Variants in DPY19L4 observed in about 807,000 individuals in gnomAD.
DPY19L4 encodes the protein probable C-mannosyltransferase DPY19L4.
DPY19L4 carries 97 observed loss-of-function variants against 102.8 expected under a neutral mutation model. The ratio of observed to expected loss-of-function variants is 0.94; its 90% CI spans 0.80 to 1.12. The LOEUF (loss-of-function observed/expected upper bound fraction) is 1.12, where lower values mean the gene tolerates loss of function less well. Ranked by LOEUF, DPY19L4 falls within the 50% of genes most tolerant of loss-of-function variation. DPY19L4 has a pLI of 0.00. For missense variants in DPY19L4, 815 were observed against 850.4 expected, an observed-to-expected ratio of 0.96 and a Z score of 0.52; for synonymous variants, 252 against 283.1, an observed-to-expected ratio of 0.89 and a Z score of 1.10.
chr8:94,729,293 ACC>A (rs1810829603), intron 2 of DPY19L4, among the ~76,000 whole-genome samples: 2 of 151,892 alleles, frequency 1.3e-5, no homozygotes, highest in African/African-American at 4.8e-5. Context: ...AATCGCTTGA[ACC>A]TGGGAAGCGG....
chr8:94,720,085 G>A (rs1810388990), intron 1 of DPY19L4, 71 bp downstream of exon 1: 1 of 1,498,522 alleles, frequency 6.7e-7, no homozygotes, highest in Non-Finnish European at 8.9e-7. Context: ...GGGCGCTGGA[G>A]GTCTGGGTTG....
intron 13 of DPY19L4, among the ~76,000 whole-genome samples, chr8:94,771,863 A>G (rs1239922536): frequency 1.3e-5 from 2 of 152,222 alleles, no homozygotes; most frequent in Admixed American, 6.5e-5. Flanking sequence ...TTTCAATGGC[A>G]AATGACATTT....
At chr8:94,749,550 T>C (rs1017347572) in intron 6 of DPY19L4, among the ~76,000 whole-genome samples, 9 of 152,206 alleles carry the variant, frequency 5.9e-5, no homozygotes, top group African/African-American at 2.2e-4. Flanking sequence ...CTTAACTCGA[T>C]TGGCGAATAA....
chr8:94,778,234 C>CAA (rs35068675), intron 14 of DPY19L4, among the ~76,000 whole-genome samples: 291 of 140,414 alleles, frequency 2.1e-3, no homozygotes, highest in African/African-American at 6.5e-3. Context: ...GACTTTGTCT[C>CAA]AAAAAAAAAA....
At chr8:94,733,576 C>T (rs1432566319) in intron 2 of DPY19L4, among the ~76,000 whole-genome samples, 1 of 152,090 alleles carries the variant, frequency 6.6e-6, no homozygotes. Flanking sequence ...GAGTCTTGCT[C>T]TGTTGCCCAG....
At chr8:94,744,147 A>T (rs1448564645) in intron 6 of DPY19L4, among the ~76,000 whole-genome samples, 1 of 152,226 alleles carries the variant, frequency 6.6e-6, no homozygotes, top group Non-Finnish European at 1.5e-5. Flanking sequence ...CAAGAGGTTT[A>T]GATTGGTGGT....
In DPY19L4 at chr8:94,770,442, C is replaced by G. The variant is rs55861371; in HGVS notation, c.1335-10C>G. 22,812 of 1,594,314 alleles carry G rather than the reference C, an allele frequency of 0.014. 190 individuals are homozygous for G. The highest frequency in any genetic ancestry group is 0.017 in the Non-Finnish European group (19,806 of 1,174,276). ...TTCAAAGTATTAAAAAATACATTTTCTTTTTGTAGTGGTAAGTCCCTGAAG... is the reference window on the plus strand; with the variant it reads ...TTCAAAGTATTAAAAAATACATTTTGTTTTTGTAGTGGTAAGTCCCTGAAG... On this transcript the variant is annotated splice_polypyrimidine_tract_variant and intron_variant, in intron 12 of 18. Coordinates refer to ENST00000414645, the MANE Select transcript of DPY19L4 (RefSeq NM_181787.3).
In DPY19L4 at chr8:94,789,770, C is replaced by G. The variant is rs1813814611; in HGVS notation, c.2032C>G (p.Leu678Val). 1.9e-6 allele frequency: 3 copies of G among 1,608,094 alleles called. No individual in the cohort carries two copies. In the African/African-American group the frequency reaches 4.0e-5, roughly 22 times the overall value. Residue 678 changes from leucine (L) to valine (V), a missense_variant, in exon 19 of 19, where the codon CTA becomes GTA. Physicochemically the swap from Leu to Val is conservative, Grantham distance 32. Transcript: ENST00000414645. ...GATGGTTTGTGAAGAAGGTGACAAGCTAACCTACTCAAAATATGGGCGATT... is the reference window on the plus strand; with the variant it reads ...GATGGTTTGTGAAGAAGGTGACAAGGTAACCTACTCAAAATATGGGCGATT... The part of the protein sequence containing the change: ...GHMVCEEGDK[L>V]TYSKYGRFCH...
At chr8:94,748,085 C>T (rs1811759885) in intron 6 of DPY19L4, among the ~76,000 whole-genome samples, 2 of 152,138 alleles carry the variant, frequency 1.3e-5, no homozygotes, top group African/African-American at 4.8e-5. Context: ...CTGGTTCTTA[C>T]TCCCACCACA....
intron 6 of DPY19L4, among the ~76,000 whole-genome samples, chr8:94,753,727 C>A (rs1812043124): frequency 6.6e-6 from 1 of 151,760 alleles, no homozygotes. Context: ...AAAAAATTAG[C>A]CAGGCGTGGT....
intron 3 of DPY19L4, 70 bp downstream of exon 3, chr8:94,734,824 A>G (rs1176231394): frequency 1.3e-6 from 2 of 1,597,220 alleles, no homozygotes. Context: ...TATGATAAGT[A>G]TGACAAGTGC....
At position 94,755,896 on chromosome 8, in the gene DPY19L4, G is replaced by T. The variant is rs1812141992; in HGVS notation, c.612-140G>T. 9.9e-6 allele frequency: 8 copies of T among 810,750 alleles called. No homozygotes were observed. In the South Asian group the frequency reaches 1.8e-4, roughly 18 times the overall value. 50.2% of individuals were successfully genotyped at this position (810,750 alleles called of 1,614,324 possible). On this transcript the variant is annotated intron_variant, in intron 6 of 18. Coordinates refer to ENST00000414645, the MANE Select transcript of DPY19L4 (RefSeq NM_181787.3). ...CGAGACTCCATCTCAAAAAAAAAAA[G>T]GACAATGGTGGATCTGGCTATGCCT...
chr8:94,732,316 T>C (rs894593759), intron 2 of DPY19L4, among the ~76,000 whole-genome samples: 12 of 152,224 alleles, frequency 7.9e-5, no homozygotes, highest in Non-Finnish European at 1.5e-5. Context: ...TTTTTTATTA[T>C]GCTTATTATA....
intron 3 of DPY19L4, among the ~76,000 whole-genome samples, chr8:94,738,004 T>A (rs1811261169): frequency 6.6e-6 from 1 of 151,814 alleles, no homozygotes; most frequent in Non-Finnish European, 1.5e-5. Flanking sequence ...AGAGAGAGAC[T>A]CTGTCTCTTA....
intron 7 of DPY19L4, among the ~76,000 whole-genome samples, chr8:94,759,547 C>T (rs1812315684): frequency 7.7e-6 from 1 of 129,766 alleles, no homozygotes; most frequent in African/African-American, 3.2e-5. Context: ...GCTCTTGTTG[C>T]CCAGGCTAGA....
At chr8:94,747,986 T>C (rs151301414) in intron 6 of DPY19L4, among the ~76,000 whole-genome samples, 1 of 152,230 alleles carries the variant, frequency 6.6e-6, no homozygotes, top group Admixed American at 6.5e-5. Context: ...TGTTTTGAAC[T>C]GTTAGTTTGT....
intron 6 of DPY19L4, among the ~76,000 whole-genome samples, chr8:94,747,071 G>A (rs1163257116): frequency 2.0e-5 from 3 of 151,856 alleles, no homozygotes; most frequent in African/African-American, 7.2e-5. Context: ...TGTTGTTTCG[G>A]GTTTTTTGAG....
chr8:94,723,123 T>C (rs560098837), intron 1 of DPY19L4, among the ~76,000 whole-genome samples: 14 of 152,340 alleles, frequency 9.2e-5, no homozygotes, highest in Non-Finnish European at 1.5e-4. Context: ...TTTGTGGATG[T>C]GTAATCATCT....
At chr8:94,753,609 A>T (rs186362199) in intron 6 of DPY19L4, among the ~76,000 whole-genome samples, 1 of 152,200 alleles carries the variant, frequency 6.6e-6, no homozygotes, top group African/African-American at 2.4e-5. Flanking sequence ...GCGGTGGCTC[A>T]AGCCTGTAAT....
Sources: gnomAD v4.1 joint callset for allele counts (sites outside exome capture counted in the v4.1 genomes callset) on GRCh38, gnomAD v4.1.1 for gene constraint, MANE v1.5 for transcripts, NCBI Gene and HGNC (gene_info 2026-07-23, HGNC 2026-07-21) for gene names.